AP1S3: variants seen among roughly 807,000 people sequenced by gnomAD.
AP1S3 encodes adaptor related protein complex 1 subunit sigma 3, also known as AP-1 complex subunit sigma-3.
Under a neutral mutation model 20.9 loss-of-function variants are expected in AP1S3, and 10 were observed. That is an observed-to-expected ratio of 0.48 (90% confidence interval 0.29 to 0.81). AP1S3 has a LOEUF of 0.81. AP1S3 is among the 30% of genes least tolerant of loss of function. AP1S3 has a pLI of 0.08. For synonymous variants in AP1S3, 41 were observed against 61.5 expected, an observed-to-expected ratio of 0.67 and a Z score of 1.56; for missense variants, 154 against 183.8, an observed-to-expected ratio of 0.84 and a Z score of 0.94.
chr2:223,769,972 CT>C (rs1022659912), intron 3 of AP1S3, among the ~76,000 whole-genome samples: 106 of 152,102 alleles, frequency 7.0e-4, no homozygotes, highest in African/African-American at 2.2e-3. Context: ...TCTCGATCTC[CT>C]GACCTCGTGA....
At chr2:223,800,078 G>A (rs1170736978) in intron 1 of AP1S3, among the ~76,000 whole-genome samples, 1 of 150,710 alleles carries the variant, frequency 6.6e-6, no homozygotes, top group Non-Finnish European at 1.5e-5. Flanking sequence ...AGCCAGGCAT[G>A]GTGGCACACA....
chr2:223,837,470 C>T lies in AP1S3; in HGVS notation c.-20G>A. ...CACCATCGTGGCTGGGCCGCCGCCT[C>T]CCCCGCCTTGCGAGCAAGGAGCGCT... is the stretch of plus-strand genomic sequence containing the variant. On this transcript the variant is annotated 5_prime_UTR_variant, in exon 1 of 5. Coordinates refer to ENST00000396654, the MANE Select transcript of AP1S3 (RefSeq NM_001039569.2). The T allele has an allele frequency of 7.8e-7, 1 of 1,284,658 alleles. No homozygotes were observed. The highest frequency in any genetic ancestry group is 9.9e-7 in the Non-Finnish European group (1 of 1,013,882). 79.6% of individuals were successfully genotyped at this position (1,284,658 alleles called of 1,614,324 possible).
chr2:223,818,080 T>C (rs1691897037), intron 1 of AP1S3, among the ~76,000 whole-genome samples: 1 of 151,716 alleles, frequency 6.6e-6, no homozygotes, highest in Admixed American at 6.6e-5. Flanking sequence ...AAAATATAGG[T>C]GGCAGGGTAG....
intron 3 of AP1S3, among the ~76,000 whole-genome samples, chr2:223,766,208 T>G (rs1690474725): frequency 6.6e-6 from 1 of 152,224 alleles, no homozygotes; most frequent in Non-Finnish European, 1.5e-5. Flanking sequence ...TCATTGAGTC[T>G]CCAGACTGCA....
At chr2:223,824,550 GT>G (rs35776403) in intron 1 of AP1S3, among the ~76,000 whole-genome samples, 3 of 151,302 alleles carry the variant, frequency 2.0e-5, no homozygotes, top group East Asian at 2.0e-4. Flanking sequence ...GGCAGGTGGG[GT>G]TTTTTTTTGA....
At chr2:223,776,669 T>C (rs927199307) in intron 2 of AP1S3, among the ~76,000 whole-genome samples, 1 of 152,206 alleles carries the variant, frequency 6.6e-6, no homozygotes, top group African/African-American at 2.4e-5. Context: ...TAGGCATCAA[T>C]TACCTGGGTC....
chr2:223,807,203 G>A (rs959373311), intron 1 of AP1S3, among the ~76,000 whole-genome samples: 8 of 152,118 alleles, frequency 5.3e-5, no homozygotes, highest in Non-Finnish European at 8.8e-5. Flanking sequence ...GGAGATAGAG[G>A]TTGCAGTCAG....
chr2:223,828,796 T>C (rs550034056), intron 1 of AP1S3, among the ~76,000 whole-genome samples: 1 of 152,310 alleles, frequency 6.6e-6, no homozygotes, highest in South Asian at 2.1e-4. Flanking sequence ...CTGCTGTCAC[T>C]ATCTTGAAAT....
chr2:223,809,974 G>A (rs1691683826), intron 1 of AP1S3, among the ~76,000 whole-genome samples: 1 of 151,756 alleles, frequency 6.6e-6, no homozygotes, highest in Admixed American at 6.6e-5. Flanking sequence ...TGATCCACCC[G>A]CCTCGGCCTC....
At chr2:223,803,461 G>C (rs1368719868) in intron 1 of AP1S3, among the ~76,000 whole-genome samples, 1 of 152,118 alleles carries the variant, frequency 6.6e-6, no homozygotes, top group East Asian at 1.9e-4. Context: ...TAACAGCATG[G>C]CACTTAGGAT....
intron 1 of AP1S3, among the ~76,000 whole-genome samples, chr2:223,800,942 A>T (rs1258495935): frequency 6.6e-6 from 1 of 152,224 alleles, no homozygotes; most frequent in African/African-American, 2.4e-5. Flanking sequence ...GTACAGTTTG[A>T]GGCAGAATTA....
chr2:223,783,747 C>T (rs1193277993), intron 1 of AP1S3, among the ~76,000 whole-genome samples: 1 of 152,172 alleles, frequency 6.6e-6, no homozygotes, highest in Non-Finnish European at 1.5e-5. Context: ...CATCCAGGAC[C>T]CTTACCTGTC....
chr2:223,787,818 T>G (rs1219479919), intron 1 of AP1S3, among the ~76,000 whole-genome samples: 2 of 152,120 alleles, frequency 1.3e-5, no homozygotes, highest in African/African-American at 4.8e-5. Flanking sequence ...GTACAGAAAT[T>G]TAGGAACTCC....
rs1172567565 is a variant in AP1S3 at position 223,755,920 on chromosome 2, A to C, written c.*2795T>G. ...TGTCTAATATGGAATTATCCAGAAC[A>C]TGTGTAGTATATTTGAATGAGGTTC... On this transcript the variant is annotated 3_prime_UTR_variant, in exon 5 of 5. Coordinates refer to ENST00000396654, the MANE Select transcript of AP1S3 (RefSeq NM_001039569.2). The C allele has an allele frequency of 5.1e-6, 5 of 985,342 alleles. No homozygotes were observed. The highest frequency in any genetic ancestry group is 6.0e-6 in the Non-Finnish European group (5 of 829,936). The allele number at this position is 985,342 out of a possible 1,614,324, so 61.0% of individuals were successfully genotyped here. A position where few individuals can be genotyped will look rare whatever the true frequency, so the allele number is the denominator to read the frequency against.
At position 223,806,277 on chromosome 2, in the gene AP1S3, AT is replaced by A. The variant is rs144953846; in HGVS notation, c.4-28409del. On this transcript the variant is annotated intron_variant, in intron 1 of 4. Coordinates refer to ENST00000396654, the MANE Select transcript of AP1S3 (RefSeq NM_001039569.2). ...TTCACTTTTTTATATAAACAAAGGA[AT>A]TTTTTTTTTTTTTTTTTTTTTTTGA... 5.6e-3 allele frequency among the ~76,000 whole-genome samples: 625 copies of A among 111,030 alleles called. 2 individuals are homozygous for A. The highest frequency in any genetic ancestry group is 0.012 in the African/African-American group (317 of 27,220). The allele number at this position is 111,030 out of a possible 152,430, so 72.8% of individuals were successfully genotyped here.
chr2:223,795,177 A>G (rs1339349664), intron 1 of AP1S3, among the ~76,000 whole-genome samples: 1 of 152,180 alleles, frequency 6.6e-6, no homozygotes, highest in African/African-American at 2.4e-5. Context: ...TGAACCCAGG[A>G]GGTAGAGGTT....
chr2:223,767,227 C>T (rs1008064964), intron 3 of AP1S3, among the ~76,000 whole-genome samples: 1 of 152,040 alleles, frequency 6.6e-6, no homozygotes, highest in African/African-American at 2.4e-5. Context: ...AGTCTCCAGA[C>T]CTCCCCAACG....
intron 1 of AP1S3, 103 bp from the exon 2 acceptor site, chr2:223,777,972 C>G: frequency 9.6e-7 from 1 of 1,041,872 alleles, no homozygotes; most frequent in African/African-American, 1.6e-5. Flanking sequence ...AAAGATAATT[C>G]TGAACGGATG....
chr2:223,767,914 G>C (rs979233482), intron 3 of AP1S3, among the ~76,000 whole-genome samples: 8 of 151,870 alleles, frequency 5.3e-5, no homozygotes, highest in East Asian at 1.9e-4. Context: ...TGATTCTATT[G>C]TCTAAATAAG....
Sources: allele counts gnomAD v4.1 joint callset (sites outside exome capture counted in the v4.1 genomes callset), GRCh38; gene constraint gnomAD v4.1.1; transcripts MANE v1.5; gene names NCBI Gene and HGNC (gene_info 2026-07-23, HGNC 2026-07-21).